KRTAP25-1: variants seen among roughly 807,000 people sequenced by gnomAD.
KRTAP25-1 encodes keratin-associated protein 25-1.
For synonymous variants in KRTAP25-1, 47 were observed against 41.3 expected, an observed-to-expected ratio of 1.14 and a Z score of -0.52; for missense variants, 136 against 120.1, an observed-to-expected ratio of 1.13 and a Z score of -0.62.
rs1463311330 is a variant in KRTAP25-1 at position 30,289,353 on chromosome 21, C to T, written c.138G>A (p.Leu46=). Reference sequence around the variant, plus strand: ...TTTGATTACCATAGGAGAAATAGCTCAAGGGATAGCAGGTCCTGGACACAA... The same window carrying T: ...TTTGATTACCATAGGAGAAATAGCTTAAGGGATAGCAGGTCCTGGACACAA... ...LNFVSRTCYP[L]SYFSYGNQTI... The change falls in exon 1 of 1, where the codon TTG becomes TTA. Residue 46 remains leucine (L), a synonymous_variant. Coordinates refer to ENST00000416044, the MANE Select transcript of KRTAP25-1 (RefSeq NM_001128598.1). 6.4e-7 allele frequency: 1 copy of T among 1,551,462 alleles called. No homozygotes were observed. Among genetic ancestry groups the T allele is most frequent in the African/African-American group, 1.4e-5 (1 of 72,940 alleles).
Position 30,289,456 on chromosome 21 carries a change from C to G in KRTAP25-1, c.35G>C (p.Ser12Thr), listed in dbSNP as rs1212120311. ...HNRSQGFFFS[S>T]CHPQNHVSYG... ...AGAGACATGGTTTTGGGGGTGGCAA[C>G]TACTGAAAAAAAAGCCTTGAGATCT... Residue 12 changes from serine to threonine, a missense_variant, in exon 1 of 1, where the codon AGT becomes ACT. Transcript: ENST00000416044. 3.2e-6 allele frequency: 5 copies of G among 1,546,462 alleles called. No homozygotes were observed. The highest frequency in any genetic ancestry group is 3.5e-6 in the Non-Finnish European group (4 of 1,145,648).
In KRTAP25-1 at chr21:30,289,161, G is replaced by A. The variant is rs776762090; in HGVS notation, c.*21C>T. ...AAAATTTCTGTAAAACGCTGTCAGG[G>A]CAAGACACTGAAAAGACAATTCAGC... On this transcript the variant is annotated 3_prime_UTR_variant, in exon 1 of 1. Transcript: ENST00000416044. 4.6e-6 allele frequency: 7 copies of A among 1,528,744 alleles called. No homozygotes were observed. Among genetic ancestry groups the A allele is most frequent in the Middle Eastern group, 1.7e-4 (1 of 5,888 alleles). The allele number at this position is 1,528,744 out of a possible 1,614,324, so 94.7% of individuals were successfully genotyped here.
the KRTAP25-1 span, chr21:30,289,338 A>C: frequency 1.3e-6 from 2 of 1,551,804 alleles, no homozygotes; most frequent in Non-Finnish European, 8.7e-7. Flanking sequence ...TTTGATTACC[A>C]TAGGAGAAAT....
chr21:30,289,431 A>G lies in KRTAP25-1; in HGVS notation c.60T>C (p.Ser20=). 2 of 1,551,538 alleles carry G rather than the reference A, an allele frequency of 1.3e-6. No homozygotes were observed. The highest frequency in any genetic ancestry group is 1.7e-6 in the Non-Finnish European group (2 of 1,146,850). ...FSSCHPQNHV[S]YGCQSPSFIF... Reference sequence around the variant, plus strand: ...TAAAGCTCGGTGATTGACAGCCATAAGAGACATGGTTTTGGGGGTGGCAAC... The same window carrying G: ...TAAAGCTCGGTGATTGACAGCCATAGGAGACATGGTTTTGGGGGTGGCAAC... The change falls in exon 1 of 1, where the codon TCT becomes TCC. Residue 20 remains serine, a synonymous_variant. Transcript: ENST00000416044.
chr21:30,289,420 T>A lies in KRTAP25-1; in HGVS notation c.71A>T (p.Gln24Leu). 6.4e-7 allele frequency: 1 copy of A among 1,551,448 alleles called. No homozygotes were observed. Among genetic ancestry groups the A allele is most frequent in the South Asian group, 1.2e-5 (1 of 84,054 alleles). Residue 24 changes from glutamine to leucine, a missense_variant, in exon 1 of 1, where the codon CAA becomes CTA. Transcript: ENST00000416044. ...GCGACAAAAAATAAAGCTCGGTGATTGACAGCCATAAGAGACATGGTTTTG... is the reference window on the plus strand; with the variant it reads ...GCGACAAAAAATAAAGCTCGGTGATAGACAGCCATAAGAGACATGGTTTTG... ...HPQNHVSYGC[Q>L]SPSFIFCRCQ...
rs921917027 is a variant in KRTAP25-1 at position 30,289,251 on chromosome 21, G to A, written c.240C>T (p.His80=). Residue 80 remains histidine, a synonymous_variant, in exon 1 of 1, where the codon CAC becomes CAT. Transcript: ENST00000416044. The stretch of plus-strand genomic sequence containing the variant: ...CAGAACAAGCTGGTTGGAAACTGCT[G>A]TGCATGAAGGAAATAGGTTGGAAAC... ...SHSFQPISFM[H]SSFQPACSDF... is the part of the protein sequence containing the mutation. The A allele has an allele frequency of 6.4e-7, 1 of 1,551,476 alleles. No individual in the cohort carries two copies. Among genetic ancestry groups the A allele is most frequent in the Non-Finnish European group, 8.7e-7 (1 of 1,146,788 alleles).
Position 30,289,200 on chromosome 21 carries a change from A to T in KRTAP25-1, c.291T>A (p.Phe97Leu). Residue 97 changes from phenylalanine (F) to leucine (L), a missense_variant, in exon 1 of 1, where the codon TTT becomes TTA. Transcript: ENST00000416044. The stretch of plus-strand genomic sequence containing the variant: ...AGACAATTCAGCATGTTCTTCTAAG[A>T]AATGGAGATTGCCAACCCACAAAAT... Reference protein sequence around the residue: ...CSDFVGWQSPFLRRTC With the variant: ...CSDFVGWQSPLLRRTC 6.5e-7 allele frequency: 1 copy of T among 1,548,444 alleles called. No homozygotes were observed. Among genetic ancestry groups the T allele is most frequent in the South Asian group, 1.2e-5 (1 of 83,738 alleles).
the KRTAP25-1 span, chr21:30,289,302 G>GA: frequency 6.4e-7 from 1 of 1,551,686 alleles, no homozygotes; most frequent in Non-Finnish European, 8.7e-7. Flanking sequence ...TCAGGGATCT[G>GA]AAGCTGTTGG....
chr21:30,289,188 T>C lies in KRTAP25-1; in HGVS notation c.303A>G (p.Thr101=), dbSNP rs1568808278. The C allele has an allele frequency of 4.5e-6, 7 of 1,545,490 alleles. No homozygotes were observed. Among genetic ancestry groups the C allele is most frequent in the Non-Finnish European group, 6.1e-6 (7 of 1,142,986 alleles). Residue 101 remains threonine (T), a synonymous_variant, in exon 1 of 1, where the codon ACA becomes ACG. Coordinates refer to ENST00000416044, the MANE Select transcript of KRTAP25-1 (RefSeq NM_001128598.1). ...AAGACACTGAAAAGACAATTCAGCA[T>C]GTTCTTCTAAGAAATGGAGATTGCC... ...VGWQSPFLRR[T]C
In KRTAP25-1 at chr21:30,289,350, G is replaced by C; in HGVS notation, c.141C>G (p.Ser47Arg). The change falls in exon 1 of 1, where the codon AGC becomes AGG. Residue 47 changes from serine (S) to arginine (R), a missense_variant. By Grantham distance (110) the Ser-to-Arg change is moderately radical. Transcript: ENST00000416044. ...TAGTTTGATTACCATAGGAGAAATA[G>C]CTCAAGGGATAGCAGGTCCTGGACA... ...NFVSRTCYPL[S>R]YFSYGNQTIG... is the part of the protein sequence containing the mutation. 1 of 1,551,742 alleles carries C rather than the reference G, an allele frequency of 6.4e-7. No homozygotes were observed. Among genetic ancestry groups the C allele is most frequent in the South Asian group, 1.2e-5 (1 of 84,060 alleles).
Position 30,289,173 on chromosome 21 carries a change from A to C in KRTAP25-1, c.*9T>G. On this transcript the variant is annotated 3_prime_UTR_variant, in exon 1 of 1. Coordinates refer to ENST00000416044, the MANE Select transcript of KRTAP25-1 (RefSeq NM_001128598.1). ...AAACGCTGTCAGGGCAAGACACTGA[A>C]AAGACAATTCAGCATGTTCTTCTAA... 2.6e-6 allele frequency: 4 copies of C among 1,538,372 alleles called. No individual in the cohort carries two copies. Among genetic ancestry groups the C allele is most frequent in the Non-Finnish European group, 3.5e-6 (4 of 1,139,286 alleles).
Position 30,289,360 on chromosome 21 carries a change from T to C in KRTAP25-1, c.131A>G (p.Tyr44Cys). The C allele has an allele frequency of 6.4e-7, 1 of 1,551,722 alleles. No homozygotes were observed. The highest frequency in any genetic ancestry group is 1.2e-5 in the South Asian group (1 of 84,060). Residue 44 changes from tyrosine to cysteine, a missense_variant, in exon 1 of 1, where the codon TAT (tyrosine) becomes TGT (cysteine). Transcript: ENST00000416044. The part of the protein sequence containing the change: ...QSLNFVSRTC[Y>C]PLSYFSYGNQ... ...ACCATAGGAGAAATAGCTCAAGGGA[T>C]AGCAGGTCCTGGACACAAAATTCAG... is the stretch of plus-strand genomic sequence containing the variant.
rs1980935152 is a variant in KRTAP25-1, at chr21:30,289,356, G to A, written c.135C>T (p.Pro45=). Residue 45 remains proline (P), a synonymous_variant, in exon 1 of 1, where the codon CCC becomes CCT. Coordinates refer to ENST00000416044, the MANE Select transcript of KRTAP25-1 (RefSeq NM_001128598.1). ...GATTACCATAGGAGAAATAGCTCAA[G>A]GGATAGCAGGTCCTGGACACAAAAT... ...SLNFVSRTCY[P]LSYFSYGNQT... The A allele has an allele frequency of 3.2e-6, 5 of 1,551,724 alleles. No homozygotes were observed. In the Admixed American group the frequency reaches 7.8e-5, roughly 24 times the overall value.
In KRTAP25-1 at chr21:30,289,348, T is replaced by G. The variant is rs529648689; in HGVS notation, c.143A>C (p.Tyr48Ser). 2 of 1,551,620 alleles carry G rather than the reference T, an allele frequency of 1.3e-6. No individual in the cohort carries two copies. Among genetic ancestry groups the G allele is most frequent in the South Asian group, 2.4e-5 (2 of 84,054 alleles). ...FVSRTCYPLSYFSYGNQTIGS... is the reference protein window; with the variant it reads ...FVSRTCYPLSSFSYGNQTIGS... ...TATAGTTTGATTACCATAGGAGAAA[T>G]AGCTCAAGGGATAGCAGGTCCTGGA... The change falls in exon 1 of 1, where the codon TAT becomes TCT. Residue 48 changes from tyrosine (Y) to serine (S), a missense_variant. Tyr to Ser is a moderately radical substitution (Grantham distance 144, BLOSUM62 -2). Transcript: ENST00000416044.
In KRTAP25-1 at chr21:30,289,230, A is replaced by G. The variant is rs1324258281; in HGVS notation, c.261T>C (p.Cys87=). The G allele has an allele frequency of 1.3e-6, 2 of 1,551,194 alleles. No homozygotes were observed. The highest frequency in any genetic ancestry group is 3.9e-5 in the Admixed American group (2 of 50,954). Residue 87 remains cysteine (C), a synonymous_variant, in exon 1 of 1, where the codon TGT becomes TGC. Coordinates refer to ENST00000416044, the MANE Select transcript of KRTAP25-1 (RefSeq NM_001128598.1). Reference sequence around the variant, plus strand: ...GAGATTGCCAACCCACAAAATCAGAACAAGCTGGTTGGAAACTGCTGTGCA... The same window carrying G: ...GAGATTGCCAACCCACAAAATCAGAGCAAGCTGGTTGGAAACTGCTGTGCA... The part of the protein sequence containing the change: ...SFMHSSFQPA[C]SDFVGWQSPF...
rs573781075 is a variant in KRTAP25-1 at position 30,289,486 on chromosome 21, T to C, written c.5A>G (p.His2Arg). 108 of 1,537,748 alleles carry C rather than the reference T, an allele frequency of 7.0e-5. No homozygotes were observed. Among genetic ancestry groups the C allele is most frequent in the Non-Finnish European group, 8.7e-5 (100 of 1,142,990 alleles). The change falls in exon 1 of 1, where the codon CAT (histidine) becomes CGT (arginine). Residue 2 changes from histidine to arginine, a missense_variant. Transcript: ENST00000416044. M[H>R]NRSQGFFFSS... ...GAAAAAAAAGCCTTGAGATCTGTTA[T>C]GCATTGAGGATTGGCAGGAACTTGA...
At chr21:30,289,461 G>GA in the KRTAP25-1 span, 43 of 1,542,770 alleles carry the variant, frequency 2.8e-5, no homozygotes, top group Middle Eastern at 1.7e-4. Context: ...GGCAACTACT[G>GA]AAAAAAAAGC....
At chr21:30,289,212 C>T in the KRTAP25-1 span, 4 of 1,548,846 alleles carry the variant, frequency 2.6e-6, no homozygotes, top group African/African-American at 4.1e-5. Flanking sequence ...ATGGAGATTG[C>T]CAACCCACAA....
chr21:30,289,238 G>A lies in KRTAP25-1; in HGVS notation c.253C>T (p.Pro85Ser). The A allele has an allele frequency of 5.2e-6, 8 of 1,551,354 alleles. No homozygotes were observed. The South Asian group carries it at 6.0e-5, about 12-fold the overall frequency. ...CAACCCACAAAATCAGAACAAGCTG[G>A]TTGGAAACTGCTGTGCATGAAGGAA... Reference protein sequence around the residue: ...PISFMHSSFQPACSDFVGWQS... With the variant: ...PISFMHSSFQSACSDFVGWQS... The change falls in exon 1 of 1, where the codon CCA becomes TCA. Residue 85 changes from proline (P) to serine (S), a missense_variant. Transcript: ENST00000416044.
Sources: allele counts gnomAD v4.1 joint callset, GRCh38; gene constraint gnomAD v4.1.1; transcripts MANE v1.5; gene names NCBI Gene and HGNC (gene_info 2026-07-23, HGNC 2026-07-21).